The following SMARCE1 variants were observed in gnomAD, a reference collection of about 807,000 sequenced individuals.
The protein encoded by SMARCE1 is SWI/SNF-related matrix-associated actin-dependent regulator of chromatin subfamily E member 1.
SMARCE1 carries 13 observed loss-of-function variants against 54.9 expected under a neutral mutation model. The ratio of observed to expected loss-of-function variants is 0.24; its 90% CI spans 0.15 to 0.38. The LOEUF (loss-of-function observed/expected upper bound fraction) is 0.38, where lower values mean the gene tolerates loss of function less well. SMARCE1 is among the 10% of genes least tolerant of loss of function. SMARCE1 has a pLI of 1.00. For missense variants in SMARCE1, 295 were observed against 523.8 expected (o/e 0.56, Z 4.26); for synonymous variants, 151 against 175.3 (o/e 0.86, Z 1.10).
rs774862028 is a variant in SMARCE1, at chr17:40,628,713, G to C, written c.*72C>G. On this transcript the variant is annotated 3_prime_UTR_variant, in exon 11 of 11. Transcript: ENST00000348513. ...GAAAAAAAATTAATACACAAACCAC[G>C]TAACACCATTAAAACCAAAAAACAT... 1 of 1,261,358 alleles carries C rather than the reference G, an allele frequency of 7.9e-7. No individual in the cohort carries two copies. The highest frequency in any genetic ancestry group is 1.5e-5 in the African/African-American group (1 of 67,554). The allele number at this position is 1,261,358 out of a possible 1,614,324, so 78.1% of individuals were successfully genotyped here.
At chr17:40,632,541 G>GT (rs2037105592) in intron 7 of SMARCE1, 174 bp from the exon 8 acceptor site, 1 of 575,406 alleles carries the variant, frequency 1.7e-6, no homozygotes, top group Non-Finnish European at 3.1e-6. Context: ...TACAGAGGAC[G>GT]TAATGTGTTC....
chr17:40,635,873 T>C, intron 7 of SMARCE1, 58 bp downstream of exon 7: 2 of 1,236,094 alleles, frequency 1.6e-6, no homozygotes, highest in Non-Finnish European at 2.2e-6. Flanking sequence ...CTTAAGAGAT[T>C]TCTCATATCT....
chr17:40,631,216 T>C (rs374968208), intron 9 of SMARCE1: 54 of 342,016 alleles, frequency 1.6e-4, no homozygotes, highest in African/African-American at 9.1e-4. Flanking sequence ...GTTTTACATT[T>C]TGGGCTACCA....
intron 5 of SMARCE1, 58 bp from the exon 6 acceptor site, chr17:40,636,584 A>G: frequency 7.1e-7 from 1 of 1,404,360 alleles, no homozygotes; most frequent in Non-Finnish European, 9.9e-7. Context: ...AGACCTTTAA[A>G]AATAGTTTTT....
chr17:40,630,190 A>T, intron 10 of SMARCE1: 1 of 1,157,032 alleles, frequency 8.6e-7, no homozygotes, highest in Non-Finnish European at 1.3e-6. Flanking sequence ...TATACAAGTT[A>T]TTATTATTAT....
At chr17:40,643,492 T>A (rs938993187) in intron 3 of SMARCE1, 2 of 152,208 alleles carry the variant, frequency 1.3e-5, no homozygotes, top group African/African-American at 4.8e-5. Flanking sequence ...TATATAGCAG[T>A]AGCCTTGGGG....
intron 4 of SMARCE1, among the ~76,000 whole-genome samples, chr17:40,639,500 T>C (rs980906017): frequency 1.3e-5 from 2 of 152,188 alleles, no homozygotes; most frequent in African/African-American, 4.8e-5. Context: ...AAAAACACAG[T>C]AGTATTTGCT....
intron 7 of SMARCE1, chr17:40,632,867 AGTTT>A (rs2037109178): frequency 6.6e-6 from 1 of 152,604 alleles, no homozygotes; most frequent in African/African-American, 2.4e-5. Flanking sequence ...AACAATATTC[AGTTT>A]CCCAGGCCCT....
At position 40,642,418 on chromosome 17, in the gene SMARCE1, G is replaced by T; in HGVS notation, c.156+37C>A. On this transcript the variant is annotated intron_variant, in intron 4 of 10. Coordinates refer to ENST00000348513, the MANE Select transcript of SMARCE1 (RefSeq NM_003079.5). This position sits in a 1 kb window ranked among gnomAD's most constrained non-coding sequence, Gnocchi z 4.6. ...CTGAAGGCATTTCTGGTCAATTCCA[G>T]TTGTTTGCCGGATGCTGTAATAGTT... 8.0e-7 allele frequency: 1 copy of T among 1,247,488 alleles called. No individual in the cohort carries two copies. Among genetic ancestry groups the T allele is most frequent in the Non-Finnish European group, 1.2e-6 (1 of 845,422 alleles). The allele number at this position is 1,247,488 out of a possible 1,614,324, so 77.3% of individuals were successfully genotyped here.
chr17:40,635,918 T>C lies in SMARCE1; in HGVS notation c.541+13A>G. The C allele has an allele frequency of 6.5e-7, 1 of 1,547,272 alleles. No homozygotes were observed. The highest frequency in any genetic ancestry group is 8.7e-7 in the Non-Finnish European group (1 of 1,148,456). On this transcript the variant is annotated intron_variant, in intron 7 of 10. Transcript: ENST00000348513. ...GAGAAAGCATAAACAAAACCCCACT[T>C]TTTTTCTTTTACCATCTGGATCTTC... is the stretch of plus-strand genomic sequence containing the variant.
In SMARCE1 at chr17:40,632,336, T is replaced by G. The variant is rs1060504227; in HGVS notation, c.573A>C (p.Thr191=). The change falls in exon 8 of 11, where the codon ACA becomes ACC. Residue 191 remains threonine (T), a synonymous_variant. Transcript: ENST00000348513. Reference sequence around the variant, plus strand: ...GGTTTCTCTGGAAACGGGCGGTGGCTGTATGCTTCATTGAAAAGCCATCAT... The same window carrying G: ...GGTTTCTCTGGAAACGGGCGGTGGCGGTATGCTTCATTGAAAAGCCATCAT... The part of the protein sequence containing the change: ...DYDDGFSMKH[T]ATARFQRNHR... The G allele has an allele frequency of 6.2e-6, 10 of 1,613,932 alleles. No homozygotes were observed. Among genetic ancestry groups the G allele is most frequent in the African/African-American group, 1.3e-5 (1 of 74,920 alleles).
intron 4 of SMARCE1, among the ~76,000 whole-genome samples, chr17:40,639,691 T>C (rs4890093): frequency 0.72 from 109,250 of 152,070 alleles, 39,770 homozygotes; most frequent in African/African-American, 0.84. Flanking sequence ...TTCCAGATGG[T>C]TTTCAGGATA....
intron 2 of SMARCE1, 62 bp downstream of exon 2, chr17:40,645,734 C>T: frequency 9.2e-7 from 1 of 1,091,234 alleles, no homozygotes; most frequent in Non-Finnish European, 1.3e-6. Context: ...TTGGAATTCC[C>T]ACTTGCTAGG....
chr17:40,628,901 C>A lies in SMARCE1; in HGVS notation c.1120G>T (p.Val374Phe). 6.2e-7 allele frequency: 1 copy of A among 1,613,798 alleles called. No homozygotes were observed. Among genetic ancestry groups the A allele is most frequent in the Non-Finnish European group, 8.5e-7 (1 of 1,179,782 alleles). The change falls in exon 11 of 11, where the codon GTC becomes TTC. Residue 374 changes from valine to phenylalanine, a missense_variant. By Grantham distance (50) the Val-to-Phe change is conservative. Coordinates refer to ENST00000348513, the MANE Select transcript of SMARCE1 (RefSeq NM_003079.5). ...PEDKESGQEG[V>F]DSMAEEGTSD... ...GTTCCTTCCTCTGCCATACTGTCGA[C>A]CCCCTCCTGCCCACTCTCCTTGTCC...
rs562576477 is a variant in SMARCE1 at position 40,628,099 on chromosome 17, G to C, written c.*686C>G. ...AATTTTTTTTCTATACAATAAGGATGGATTTACCAGAACATACCCAGTATT... is the reference window on the plus strand; with the variant it reads ...AATTTTTTTTCTATACAATAAGGATCGATTTACCAGAACATACCCAGTATT... On this transcript the variant is annotated 3_prime_UTR_variant, in exon 11 of 11. Transcript: ENST00000348513. The C allele has an allele frequency of 6.6e-6, 1 of 152,518 alleles. No homozygotes were observed. Among genetic ancestry groups the C allele is most frequent in the African/African-American group, 2.4e-5 (1 of 41,412 alleles). 9.4% of individuals were successfully genotyped at this position (152,518 alleles called of 1,614,324 possible).
intron 3 of SMARCE1, 115 bp downstream of exon 3, chr17:40,645,461 A>G: frequency 1.7e-6 from 1 of 573,006 alleles, no homozygotes; most frequent in Non-Finnish European, 3.0e-6. Context: ...TTTTTCTTTT[A>G]AGCTGAATTT....
chr17:40,626,849 TGGGCGA>T lies in SMARCE1; in HGVS notation c.*1930_*1935del, dbSNP rs1209728087. 34 of 19,738 alleles carry T rather than the reference TGGGCGA, an allele frequency of 1.7e-3. No homozygotes were observed. Among genetic ancestry groups the T allele is most frequent in the Non-Finnish European group, 9.4e-5 (1 of 10,682 alleles). 1.2% of individuals were successfully genotyped at this position (19,738 alleles called of 1,614,324 possible). ...AGATCGCCACCACTGCACTCCAACC[TGGGCGA>T]CAGATTGAGACGTCTCCCATCTGAC... On this transcript the variant is annotated 3_prime_UTR_variant, in exon 11 of 11. Transcript: ENST00000348513.
At chr17:40,641,665 T>G (rs1337542103) in intron 4 of SMARCE1, 1 of 152,204 alleles carries the variant, frequency 6.6e-6, no homozygotes, top group Admixed American at 6.5e-5. Context: ...CTTTAGTAAG[T>G]CATTTTTATA....
In SMARCE1 at chr17:40,629,169, T is replaced by C. The variant is rs115785968; in HGVS notation, c.1028-176A>G. The C allele has an allele frequency of 8.4e-3, 4,802 of 572,208 alleles. 210 individuals carry two copies. Among genetic ancestry groups the C allele is most frequent in the African/African-American group, 0.082 (4,392 of 53,770 alleles). The allele number at this position is 572,208 out of a possible 1,614,324, so 35.4% of individuals were successfully genotyped here. A position where few individuals can be genotyped will look rare whatever the true frequency, so the allele number is the denominator to read the frequency against. ...TAAGAATGTTGGAACAATTTGGGTA[T>C]GAAAATCTACTTTTTAGCTGTAAAT... On this transcript the variant is annotated intron_variant, in intron 10 of 10. Transcript: ENST00000348513.
Sources: allele counts gnomAD v4.1 joint callset (sites outside exome capture counted in the v4.1 genomes callset), GRCh38; gene constraint gnomAD v4.1.1; non-coding constraint Gnocchi (gnomAD v3.1); transcripts MANE v1.5; gene names NCBI Gene and HGNC (gene_info 2026-07-23, HGNC 2026-07-21).